LDB2: variants seen among roughly 807,000 people sequenced by gnomAD.
The protein encoded by LDB2 is LIM domain-binding protein 2.
A neutral mutation model predicts 44.3 loss-of-function variants in LDB2; 12 were observed. The ratio of observed to expected loss-of-function variants is 0.27; its 90% CI spans 0.17 to 0.44. LDB2 has a LOEUF of 0.44. Ranked by LOEUF, LDB2 falls within the 20% of genes least tolerant of loss-of-function variation. The pLI is 1.00. For synonymous variants in LDB2, 164 were observed against 174.8 expected (o/e 0.94, Z 0.49); for missense variants, 344 against 473.5 (o/e 0.73, Z 2.54).
At chr4:16,891,487 A>G (rs1431812145) in intron 1 of LDB2, among the ~76,000 whole-genome samples, 1 of 151,792 alleles carries the variant, frequency 6.6e-6, no homozygotes, top group Non-Finnish European at 1.5e-5. Context: ...TAATTTTTGT[A>G]TTTTTAGTAG....
At chr4:16,714,426 T>A (rs2152668489) in intron 2 of LDB2, among the ~76,000 whole-genome samples, 1 of 152,242 alleles carries the variant, frequency 6.6e-6, no homozygotes, top group South Asian at 2.1e-4. Context: ...TGGAGGACTT[T>A]TTTGCACTTG....
At chr4:16,752,721 C>T (rs1350232780) in intron 2 of LDB2, among the ~76,000 whole-genome samples, 2 of 152,096 alleles carry the variant, frequency 1.3e-5, no homozygotes, top group African/African-American at 4.8e-5. Context: ...ATTATTGTTA[C>T]CCAGATGTTA....
chr4:16,894,192 G>C (rs187043466), intron 1 of LDB2, among the ~76,000 whole-genome samples: 1 of 152,034 alleles, frequency 6.6e-6, no homozygotes, highest in African/African-American at 2.4e-5. Context: ...ATAATTGTGC[G>C]GTTGTATTCT....
intron 5 of LDB2, among the ~76,000 whole-genome samples, chr4:16,521,265 A>G (rs534441064): frequency 2.1e-4 from 32 of 152,322 alleles, no homozygotes; most frequent in African/African-American, 7.0e-4. Context: ...GAAGGCTCCC[A>G]TGAAGAATCC....
At chr4:16,718,923 T>G (rs1412484595) in intron 2 of LDB2, among the ~76,000 whole-genome samples, 1 of 152,140 alleles carries the variant, frequency 6.6e-6, no homozygotes, top group Admixed American at 6.6e-5. Context: ...TTTTCCCCAG[T>G]GACATTTTAC....
intron 2 of LDB2, among the ~76,000 whole-genome samples, chr4:16,736,087 T>C (rs1382797539): frequency 1.3e-5 from 2 of 152,150 alleles, no homozygotes; most frequent in African/African-American, 4.8e-5. Context: ...CGCCTGGTGC[T>C]TTTCCTCCTA....
intron 2 of LDB2, among the ~76,000 whole-genome samples, chr4:16,612,994 C>G (rs1726116391): frequency 6.6e-6 from 1 of 152,108 alleles, no homozygotes; most frequent in South Asian, 2.1e-4. Flanking sequence ...CATTGAAAAC[C>G]TTATCCACTA....
At chr4:16,806,260 C>T (rs1162634360) in intron 1 of LDB2, among the ~76,000 whole-genome samples, 1 of 152,210 alleles carries the variant, frequency 6.6e-6, no homozygotes. Flanking sequence ...CTGCATATTC[C>T]TCTGTTCTAG....
At chr4:16,540,884 A>G (rs375970744) in intron 5 of LDB2, among the ~76,000 whole-genome samples, 5 of 152,154 alleles carry the variant, frequency 3.3e-5, no homozygotes, top group African/African-American at 7.2e-5. Flanking sequence ...AGAAAATGCA[A>G]AATTTACAGA....
chr4:16,750,978 G>C lies in LDB2; in HGVS notation c.235+8180C>G, dbSNP rs1482035735. 2.6e-5 allele frequency: 4 copies of C among 152,132 alleles called. No homozygotes were observed. The East Asian group carries it at 7.7e-4, about 29-fold the overall frequency. 9.4% of individuals were successfully genotyped at this position (152,132 alleles called of 1,614,324 possible). On this transcript the variant is annotated intron_variant, in intron 2 of 7. Coordinates refer to ENST00000304523, the MANE Select transcript of LDB2 (RefSeq NM_001290.5). ...TGACACACTTTGTTTTACCCACTAT[G>C]GGGTAGTGTTGTTTCAGTTTGGAAA...
chr4:16,826,906 C>A (rs905514885), intron 1 of LDB2, among the ~76,000 whole-genome samples: 2 of 152,096 alleles, frequency 1.3e-5, no homozygotes, highest in African/African-American at 4.8e-5. Context: ...ATTTGAACTG[C>A]AACAACTCGG....
intron 5 of LDB2, among the ~76,000 whole-genome samples, chr4:16,554,883 CAACA>C (rs1738961361): frequency 6.6e-6 from 1 of 152,112 alleles, no homozygotes; most frequent in Non-Finnish European, 1.5e-5. Flanking sequence ...CTAGAATGTA[CAACA>C]CCAAGAGTGA....
At chr4:16,611,268 C>T (rs535065219) in intron 2 of LDB2, among the ~76,000 whole-genome samples, 19 of 152,128 alleles carry the variant, frequency 1.2e-4, no homozygotes, top group Non-Finnish European at 2.6e-4. Flanking sequence ...AACACACCAA[C>T]ATATAAAGAC....
chr4:16,890,367 G>A (rs1400295907), intron 1 of LDB2, among the ~76,000 whole-genome samples: 2 of 152,214 alleles, frequency 1.3e-5, no homozygotes, highest in African/African-American at 4.8e-5. Flanking sequence ...GGCACGGAGT[G>A]CTGTTAAGAG....
In LDB2 at chr4:16,616,414, G is replaced by A. The variant is rs145011072; in HGVS notation, c.236-20539C>T. ...GCTAGCAAAAGAGAAAGGGAGAGAT[G>A]GAGGATGAATGGAAAGAAGGAAAGA... On this transcript the variant is annotated intron_variant, in intron 2 of 7. Transcript: ENST00000304523. 2.8e-4 allele frequency among the ~76,000 whole-genome samples: 43 copies of A among 152,216 alleles called. No homozygotes were observed. The East Asian group carries it at 7.7e-3, about 27-fold the overall frequency.
chr4:16,816,410 T>TC (rs200444859), intron 1 of LDB2, among the ~76,000 whole-genome samples: 1,604 of 142,420 alleles, frequency 0.011, 24 homozygotes, highest in African/African-American at 0.034. Context: ...TTTCTTTCTT[T>TC]TTTTTTTTTT....
intron 5 of LDB2, among the ~76,000 whole-genome samples, chr4:16,575,240 C>G (rs1747880631): frequency 1.3e-5 from 2 of 152,126 alleles, no homozygotes; most frequent in African/African-American, 4.8e-5. Context: ...AACCTGATTG[C>G]ATTTGTGCAG....
chr4:16,758,517 T>A (rs1446954432), intron 2 of LDB2, among the ~76,000 whole-genome samples: 1 of 152,178 alleles, frequency 6.6e-6, no homozygotes, highest in Non-Finnish European at 1.5e-5. Context: ...GCAAATCTGA[T>A]CTCTGACAAG....
At chr4:16,774,745 C>CTTTG (rs1771513351) in intron 1 of LDB2, among the ~76,000 whole-genome samples, 1 of 142,020 alleles carries the variant, frequency 7.0e-6, no homozygotes, top group African/African-American at 3.1e-5. Context: ...CTTTGAACTC[C>CTTTG]TCTTTGTGTT....
Sources: gnomAD v4.1 joint callset for allele counts (sites outside exome capture counted in the v4.1 genomes callset) on GRCh38, gnomAD v4.1.1 for gene constraint, MANE v1.5 for transcripts, NCBI Gene and HGNC (gene_info 2026-07-23, HGNC 2026-07-21) for gene names.